Variants in FHOD3 observed in about 807,000 individuals in gnomAD.
FHOD3 encodes formin homology 2 domain containing 3.
In FHOD3, 90 loss-of-function variants were observed where a neutral mutation model predicts 173.0. The ratio of observed to expected loss-of-function variants is 0.52; its 90% CI spans 0.44 to 0.62. The LOEUF (loss-of-function observed/expected upper bound fraction) is 0.62. Among genes scored for constraint, FHOD3 ranks in the 20% least tolerant of loss-of-function variants. The pLI, the probability that FHOD3 is intolerant of heterozygous loss-of-function variation, is 0.00. For synonymous variants in FHOD3, 828 were observed against 823.0 expected (o/e 1.01, Z -0.10); for missense variants, 1,945 against 2,034.7 (o/e 0.96, Z 0.85).
At position 36,718,710 on chromosome 18, in the gene FHOD3, T is replaced by G; in HGVS notation, c.3412T>G (p.Ser1138Ala). Residue 1138 changes from serine to alanine, a missense_variant, in exon 19 of 29, where the codon TCA becomes GCA. Transcript: ENST00000590592. ...GTCTAAATCCAAGGAACTGTCTGTCTCAAAGGTACTGCTAGTCTTCAGCAT... is the reference window on the plus strand; with the variant it reads ...GTCTAAATCCAAGGAACTGTCTGTCGCAAAGGTACTGCTAGTCTTCAGCAT... ...FESKSKELSV[S>A]KKTAADGKRQ... The G allele has an allele frequency of 6.2e-7, 1 of 1,611,834 alleles. No individual in the cohort carries two copies. Among genetic ancestry groups the G allele is most frequent in the Non-Finnish European group, 8.5e-7 (1 of 1,178,466 alleles).
intron 3 of FHOD3, among the ~76,000 whole-genome samples, chr18:36,375,210 T>C (rs77776836): frequency 0.028 from 4,217 of 152,354 alleles, 74 homozygotes; most frequent in Non-Finnish European, 0.042. Context: ...CGGAACAATT[T>C]TGAGTCAAAA....
Position 36,314,405 on chromosome 18 carries a change from C to T in FHOD3, c.165+16405C>T, listed in dbSNP as rs535685485. ...TAAACAAGCAAAGCAGCAAGTGGCA[C>T]TAGAGAAATTAGAGTGTGAAAGGTG... is the stretch of plus-strand genomic sequence containing the variant. On this transcript the variant is annotated intron_variant, in intron 1 of 28. Coordinates refer to ENST00000590592, the MANE Select transcript of FHOD3 (RefSeq NM_001281740.3). Among the ~76,000 whole-genome samples, 3 of 152,286 alleles carry T rather than the reference C, an allele frequency of 2.0e-5. No homozygotes were observed. The East Asian group carries it at 5.8e-4, about 29-fold the overall frequency.
At chr18:36,756,452 T>G (rs2042638323) in intron 25 of FHOD3, among the ~76,000 whole-genome samples, 1 of 152,146 alleles carries the variant, frequency 6.6e-6, no homozygotes. Context: ...GGGCGTGCCA[T>G]CATCTGGGCA....
At chr18:36,685,196 C>A (rs2038526625) in intron 15 of FHOD3, among the ~76,000 whole-genome samples, 1 of 152,178 alleles carries the variant, frequency 6.6e-6, no homozygotes, top group East Asian at 1.9e-4. Context: ...AGAGGCCATG[C>A]TAATAACTGT....
chr18:36,714,331 G>A (rs1802250989), intron 18 of FHOD3, among the ~76,000 whole-genome samples: 1 of 152,128 alleles, frequency 6.6e-6, no homozygotes, highest in Non-Finnish European at 1.5e-5. Flanking sequence ...GAATTCAGGG[G>A]TTCGAGACCA....
intron 18 of FHOD3, among the ~76,000 whole-genome samples, chr18:36,712,680 T>A (rs1308412347): frequency 1.3e-5 from 2 of 151,182 alleles, no homozygotes; most frequent in Non-Finnish European, 2.9e-5. Context: ...GGAGAGAGAG[T>A]GTAATGCTGA....
At chr18:36,370,266 G>A (rs1053385664) in intron 2 of FHOD3, among the ~76,000 whole-genome samples, 1 of 152,082 alleles carries the variant, frequency 6.6e-6, no homozygotes, top group African/African-American at 2.4e-5. Context: ...AGAAGATAAG[G>A]TAGGAGCTAG....
At chr18:36,367,922 G>A (rs1339710060) in intron 2 of FHOD3, among the ~76,000 whole-genome samples, 1 of 143,080 alleles carries the variant, frequency 7.0e-6, no homozygotes, top group African/African-American at 2.5e-5. Flanking sequence ...CCTCCCCACC[G>A]CTTTCTCCCC....
chr18:36,312,614 G>A (rs1471091097), intron 1 of FHOD3, among the ~76,000 whole-genome samples: 1 of 152,138 alleles, frequency 6.6e-6, no homozygotes, highest in Non-Finnish European at 1.5e-5. Context: ...TCAGAATCAC[G>A]TTCTGTTGAT....
intron 3 of FHOD3, among the ~76,000 whole-genome samples, chr18:36,429,617 A>C (rs534011333): frequency 2.6e-5 from 4 of 152,116 alleles, no homozygotes; most frequent in Non-Finnish European, 5.9e-5. Context: ...AATTCTTAGG[A>C]TTGGAGAACT....
intron 3 of FHOD3, among the ~76,000 whole-genome samples, chr18:36,395,192 T>A (rs553231190): frequency 6.6e-6 from 1 of 151,946 alleles, no homozygotes; most frequent in South Asian, 2.1e-4. Context: ...TCTTCTCATT[T>A]AAAAATATCT....
rs149207842 is a variant in FHOD3 at position 36,655,299 on chromosome 18, C to T, written c.1721+1883C>T. On this transcript the variant is annotated intron_variant, in intron 13 of 28. Transcript: ENST00000590592. Reference sequence around the variant, plus strand: ...AAATATGTTGGTGATCTCATCTTTCCCAGAGAGTGTGTTAGCCCACGGTGG... The same window carrying T: ...AAATATGTTGGTGATCTCATCTTTCTCAGAGAGTGTGTTAGCCCACGGTGG... Among the ~76,000 whole-genome samples, 376 of 152,180 alleles carry T rather than the reference C, an allele frequency of 2.5e-3. 1 individual carries two copies. Among genetic ancestry groups the T allele is most frequent in the Non-Finnish European group, 2.3e-3 (157 of 68,008 alleles).
intron 1 of FHOD3, among the ~76,000 whole-genome samples, chr18:36,318,507 A>C (rs1003952498): frequency 1.3e-5 from 2 of 152,160 alleles, no homozygotes; most frequent in Non-Finnish European, 2.9e-5. Context: ...GGGAGTTCAC[A>C]CATGATTTGG....
At chr18:36,600,710 G>A (rs2031251931) in intron 7 of FHOD3, among the ~76,000 whole-genome samples, 1 of 152,192 alleles carries the variant, frequency 6.6e-6, no homozygotes, top group African/African-American at 2.4e-5. Flanking sequence ...TACCAATGTA[G>A]TCTGGCTACC....
At chr18:36,466,853 G>A (rs911823196) in intron 3 of FHOD3, among the ~76,000 whole-genome samples, 9 of 123,808 alleles carry the variant, frequency 7.3e-5, no homozygotes, top group African/African-American at 2.0e-4. Context: ...GGAACCAAAC[G>A]TTTTGTGATT....
intron 1 of FHOD3, among the ~76,000 whole-genome samples, chr18:36,316,385 C>A (rs1467463159): frequency 6.6e-6 from 1 of 152,162 alleles, no homozygotes; most frequent in Non-Finnish European, 1.5e-5. Context: ...GAGGGTCTAC[C>A]ACATTTCACC....
intron 17 of FHOD3, among the ~76,000 whole-genome samples, chr18:36,705,286 G>A (rs1184952448): frequency 2.0e-5 from 3 of 152,084 alleles, no homozygotes; most frequent in East Asian, 1.9e-4. Flanking sequence ...CATTCCCTCC[G>A]GCACGCAGTG....
At chr18:36,359,180 G>A (rs1443687638) in intron 2 of FHOD3, among the ~76,000 whole-genome samples, 1 of 152,210 alleles carries the variant, frequency 6.6e-6, no homozygotes, top group Non-Finnish European at 1.5e-5. Context: ...GCCATCTAAT[G>A]AAGATGTATG....
At chr18:36,342,371 A>G (rs2045666265) in intron 1 of FHOD3, among the ~76,000 whole-genome samples, 1 of 152,208 alleles carries the variant, frequency 6.6e-6, no homozygotes, top group Non-Finnish European at 1.5e-5. Context: ...AGTGCTGTGA[A>G]TACTAGATAG....
Sources: gnomAD v4.1 joint callset for allele counts (sites outside exome capture counted in the v4.1 genomes callset) on GRCh38, gnomAD v4.1.1 for gene constraint, MANE v1.5 for transcripts, NCBI Gene and HGNC (gene_info 2026-07-23, HGNC 2026-07-21) for gene names.